The following LTV1 variants were observed in gnomAD, a reference collection of about 807,000 sequenced individuals.
LTV1 encodes LTV1 ribosome biogenesis factor, also known as protein LTV1 homolog.
Under a neutral mutation model 59.9 loss-of-function variants are expected in LTV1, and 39 were observed. The ratio of observed to expected loss-of-function variants is 0.65; its 90% CI spans 0.50 to 0.85. The LOEUF (loss-of-function observed/expected upper bound fraction) is 0.85. Among genes scored for constraint, LTV1 ranks in the 40% least tolerant of loss-of-function variants. LTV1 has a pLI of 0.00. For synonymous variants in LTV1, 171 were observed against 189.5 expected (o/e 0.90, Z 0.80); for missense variants, 493 against 549.1 (o/e 0.90, Z 1.02).
chr6:143,854,417 T>G (rs1354675943), intron 4 of LTV1, among the ~76,000 whole-genome samples: 1 of 152,148 alleles, frequency 6.6e-6, no homozygotes, highest in African/African-American at 2.4e-5. Context: ...GATTCATTGG[T>G]TTTTTTGAAG....
At chr6:143,853,185 C>G (rs1777015472) in intron 4 of LTV1, among the ~76,000 whole-genome samples, 1 of 152,174 alleles carries the variant, frequency 6.6e-6, no homozygotes, top group Admixed American at 6.5e-5. Flanking sequence ...TCCTTCACAT[C>G]CCTTGTAAGT....
chr6:143,858,230 G>T, intron 6 of LTV1: 1 of 517,804 alleles, frequency 1.9e-6, no homozygotes, highest in South Asian at 2.6e-5. Context: ...GAACTGTGCA[G>T]AAGAAGAGTA....
rs1162009366 is a variant in LTV1, at chr6:143,843,367, A to G, written c.-111A>G. ...CGTTATCGCCGGGTCCTGGGGCTGC[A>G]CGTGTGGTGAGGCCTACAGAAGCGG... On this transcript the variant is annotated 5_prime_UTR_variant, in exon 1 of 11. Transcript: ENST00000367576. 3.0e-6 allele frequency: 4 copies of G among 1,316,744 alleles called. No individual in the cohort carries two copies. In the South Asian group the frequency reaches 3.5e-5, roughly 12 times the overall value. 81.6% of individuals were successfully genotyped at this position (1,316,744 alleles called of 1,614,324 possible).
chr6:143,857,177 C>A lies in LTV1; in HGVS notation c.398-126C>A. ...ATTCTTCACTAGACTGAACTTAGTT[C>A]TTAATCGTTCTTTTATCCTCAATAT... On this transcript the variant is annotated intron_variant, in intron 4 of 10. Coordinates refer to ENST00000367576, the MANE Select transcript of LTV1 (RefSeq NM_032860.5). The surrounding 1 kb of genome is among the most constrained non-coding windows in gnomAD (Gnocchi z 5.2). The A allele has an allele frequency of 8.7e-7, 1 of 1,151,024 alleles. No homozygotes were observed. The highest frequency in any genetic ancestry group is 1.2e-6 in the Non-Finnish European group (1 of 804,432). 71.3% of individuals were successfully genotyped at this position (1,151,024 alleles called of 1,614,324 possible).
At chr6:143,849,871 C>G (rs1424975803) in intron 3 of LTV1, among the ~76,000 whole-genome samples, 1 of 152,132 alleles carries the variant, frequency 6.6e-6, no homozygotes, top group Non-Finnish European at 1.5e-5. Context: ...CTTGGAATTC[C>G]TTGCCTTATA....
At chr6:143,858,218 T>C (rs1777111474) in intron 6 of LTV1, 1 of 573,626 alleles carries the variant, frequency 1.7e-6, no homozygotes, top group Admixed American at 2.7e-5. Context: ...AAAGGGAGCA[T>C]AGAACTGTGC....
At chr6:143,845,065 T>TA (rs1435981182) in intron 2 of LTV1, among the ~76,000 whole-genome samples, 1 of 152,154 alleles carries the variant, frequency 6.6e-6, no homozygotes, top group Non-Finnish European at 1.5e-5. Flanking sequence ...AAACTGTGCT[T>TA]TCTCTAAGAT....
In LTV1 at chr6:143,855,242, T is replaced by C. The variant is rs756817374; in HGVS notation, c.398-2061T>C. 2.4e-4 allele frequency among the ~76,000 whole-genome samples: 37 copies of C among 152,324 alleles called. No homozygotes were observed. The highest frequency in any genetic ancestry group is 4.4e-4 in the Non-Finnish European group (30 of 68,026). On this transcript the variant is annotated intron_variant, in intron 4 of 10. Coordinates refer to ENST00000367576, the MANE Select transcript of LTV1 (RefSeq NM_032860.5). The surrounding 1 kb of genome is among the most constrained non-coding windows in gnomAD (Gnocchi z 4.6). Reference sequence around the variant, plus strand: ...TTTTGATCTTTGTTGGTTTAGAGTCTGTTTTATCAGAGACTAGGATTGCAA... The same window carrying C: ...TTTTGATCTTTGTTGGTTTAGAGTCCGTTTTATCAGAGACTAGGATTGCAA...
At chr6:143,851,127 A>G (rs1776977161) in intron 4 of LTV1, among the ~76,000 whole-genome samples, 1 of 152,218 alleles carries the variant, frequency 6.6e-6, no homozygotes, top group South Asian at 2.1e-4. Flanking sequence ...TAGCCTGCCC[A>G]GAAGGAAGGG....
Position 143,863,249 on chromosome 6 carries a change from A to C in LTV1, c.1280A>C (p.Lys427Thr). 6.2e-7 allele frequency: 1 copy of C among 1,614,000 alleles called. No individual in the cohort carries two copies. The highest frequency in any genetic ancestry group is 8.5e-7 in the Non-Finnish European group (1 of 1,179,934). Residue 427 changes from lysine to threonine, a missense_variant, in exon 10 of 11, where the codon AAA becomes ACA. Physicochemically the swap from Lys to Thr is moderately conservative, Grantham distance 78. Coordinates refer to ENST00000367576, the MANE Select transcript of LTV1 (RefSeq NM_032860.5). This position sits in a 1 kb window ranked among gnomAD's most constrained non-coding sequence, Gnocchi z 4.5. Reference sequence around the variant, plus strand: ...TCTAAAAATGAAAGCAAAGAAGATAAAAGAGCAAGAAAGCAAGCTATAAAA... The same window carrying C: ...TCTAAAAATGAAAGCAAAGAAGATACAAGAGCAAGAAAGCAAGCTATAAAA... Reference protein sequence around the residue: ...PRSKNESKEDKRARKQAIKEE... With the variant: ...PRSKNESKEDTRARKQAIKEE...
At chr6:143,856,588 ATTG>A (rs1449221786) in intron 4 of LTV1, among the ~76,000 whole-genome samples, 2 of 151,966 alleles carry the variant, frequency 1.3e-5, no homozygotes, top group African/African-American at 4.8e-5. Context: ...ACCTTTGGTC[ATTG>A]TTGTTGGTGA....
Position 143,843,492 on chromosome 6 carries a change from T to C in LTV1, c.3+12T>C, listed in dbSNP as rs778915422. ...GCGGCTGCAGCATGGTGAGCAAGCC[T>C]TGCTTGTTTCGGCGGCCGAGCGCTG... On this transcript the variant is annotated intron_variant, in intron 1 of 10. Transcript: ENST00000367576. 1.2e-6 allele frequency: 2 copies of C among 1,613,502 alleles called. No individual in the cohort carries two copies. Among genetic ancestry groups the C allele is most frequent in the Non-Finnish European group, 1.7e-6 (2 of 1,179,908 alleles).
Position 143,855,741 on chromosome 6 carries a change from TCTTTA to T in LTV1, c.398-1556_398-1552del, listed in dbSNP as rs1167437343. Reference sequence around the variant, plus strand: ...GGATATGAGATTCTAAGTTGAAAATTCTTTACTTTAAGGATGTTGAGTATTGGCCC... The same window carrying T: ...GGATATGAGATTCTAAGTTGAAAATTCTTTAAGGATGTTGAGTATTGGCCC... On this transcript the variant is annotated intron_variant, in intron 4 of 10. Coordinates refer to ENST00000367576, the MANE Select transcript of LTV1 (RefSeq NM_032860.5). The surrounding 1 kb of genome is among the most constrained non-coding windows in gnomAD (Gnocchi z 4.6). Among the ~76,000 whole-genome samples, 2 of 152,236 alleles carry T rather than the reference TCTTTA, an allele frequency of 1.3e-5. No individual in the cohort carries two copies. The highest frequency in any genetic ancestry group is 2.9e-5 in the Non-Finnish European group (2 of 68,050).
At chr6:143,847,465 G>A (rs1273228647) in intron 3 of LTV1, among the ~76,000 whole-genome samples, 1 of 152,158 alleles carries the variant, frequency 6.6e-6, no homozygotes, top group Non-Finnish European at 1.5e-5. Context: ...GGGTTCAAGC[G>A]ATTCTCCTGC....
chr6:143,849,902 T>G (rs934595640), intron 3 of LTV1, among the ~76,000 whole-genome samples: 3 of 152,310 alleles, frequency 2.0e-5, no homozygotes, highest in Non-Finnish European at 4.4e-5. Context: ...TCCAGTCTGC[T>G]GTCATCTGCA....
At chr6:143,858,083 C>T in intron 6 of LTV1, 76 bp downstream of exon 6, 1 of 1,423,078 alleles carries the variant, frequency 7.0e-7, no homozygotes, top group South Asian at 1.3e-5. Context: ...TCAGCTTTAG[C>T]CCAGGTTGAA....
In LTV1 at chr6:143,863,129, A is replaced by G. The variant is rs540837474; in HGVS notation, c.1160A>G (p.Asn387Ser). Residue 387 changes from asparagine (N) to serine (S), a missense_variant, in exon 10 of 11, where the codon AAT (asparagine) becomes AGT (serine). Physicochemically the swap from Asn to Ser is conservative, Grantham distance 46 (BLOSUM62 1). Coordinates refer to ENST00000367576, the MANE Select transcript of LTV1 (RefSeq NM_032860.5). This position sits in a 1 kb window ranked among gnomAD's most constrained non-coding sequence, Gnocchi z 4.5. Reference sequence around the variant, plus strand: ...TCTTCTAAAACAGGAATACCTCTCAATGTCTTACCAAAGAAAGGACTCACA... The same window carrying G: ...TCTTCTAAAACAGGAATACCTCTCAGTGTCTTACCAAAGAAAGGACTCACA... ...RISSKTGIPLNVLPKKGLTAK... is the reference protein window; with the variant it reads ...RISSKTGIPLSVLPKKGLTAK... 1.9e-5 allele frequency: 31 copies of G among 1,613,972 alleles called. No individual in the cohort carries two copies. In the East Asian group the frequency reaches 3.6e-4, roughly 19 times the overall value.
chr6:143,863,597 A>G lies in LTV1; in HGVS notation c.*70A>G, dbSNP rs1777213193. On this transcript the variant is annotated 3_prime_UTR_variant, in exon 11 of 11. Coordinates refer to ENST00000367576, the MANE Select transcript of LTV1 (RefSeq NM_032860.5). This position sits in a 1 kb window ranked among gnomAD's most constrained non-coding sequence, Gnocchi z 4.5. Reference sequence around the variant, plus strand: ...TCTTTGGTTATTGACTAGAAACTTCAGAAAGACAAAACTGTTTGCCATTTT... The same window carrying G: ...TCTTTGGTTATTGACTAGAAACTTCGGAAAGACAAAACTGTTTGCCATTTT... 3 of 999,046 alleles carry G rather than the reference A, an allele frequency of 3.0e-6. No homozygotes were observed. The highest frequency in any genetic ancestry group is 3.2e-4 in the Middle Eastern group (1 of 3,088). The allele number at this position is 999,046 out of a possible 1,614,324, so 61.9% of individuals were successfully genotyped here.
In LTV1 at chr6:143,846,141, T is replaced by C; in HGVS notation, c.226T>C (p.Ser76Pro). 1 of 1,614,024 alleles carries C rather than the reference T, an allele frequency of 6.2e-7. No individual in the cohort carries two copies. Among genetic ancestry groups the C allele is most frequent in the Non-Finnish European group, 8.5e-7 (1 of 1,179,866 alleles). Residue 76 changes from serine (S) to proline (P), a missense_variant, in exon 3 of 11, where the codon TCT becomes CCT. Coordinates refer to ENST00000367576, the MANE Select transcript of LTV1 (RefSeq NM_032860.5). ...CTACCTGCAGCACCTGAAGGAACCA[T>C]CTGGGCCTTCAGAGCTTATTCCCTC... is the stretch of plus-strand genomic sequence containing the variant. ...YDYLQHLKEP[S>P]GPSELIPSST...
Sources: allele counts gnomAD v4.1 joint callset (sites outside exome capture counted in the v4.1 genomes callset), GRCh38; gene constraint gnomAD v4.1.1; non-coding constraint Gnocchi (gnomAD v3.1); transcripts MANE v1.5; gene names NCBI Gene and HGNC (gene_info 2026-07-23, HGNC 2026-07-21).